The following CTBP2 variants were observed in gnomAD, a reference collection of about 807,000 sequenced individuals.
CTBP2 encodes the protein C-terminal binding protein 2.
CTBP2 carries 30 observed loss-of-function variants against 80.3 expected under a neutral mutation model. That is an observed-to-expected ratio of 0.37 (90% CI 0.28 to 0.51). The LOEUF is 0.51. Ranked by LOEUF, CTBP2 falls within the 20% of genes least tolerant of loss-of-function variation. The pLI, the probability that CTBP2 is intolerant of heterozygous loss-of-function variation, is 0.93. For missense variants in CTBP2, 1,212 were observed against 1,375.3 expected, an observed-to-expected ratio of 0.88 and a Z score of 1.88; for synonymous variants, 594 against 587.4, an observed-to-expected ratio of 1.01 and a Z score of -0.16.
intron 1 of CTBP2, among the ~76,000 whole-genome samples, chr10:125,121,057 A>G (rs1446030455): frequency 6.6e-6 from 1 of 152,238 alleles, no homozygotes; most frequent in Non-Finnish European, 1.5e-5. Flanking sequence ...GGGCAGATCC[A>G]TGAGAGCAGA....
intron 2 of CTBP2, among the ~76,000 whole-genome samples, chr10:125,096,886 A>C (rs1049782136): frequency 1.3e-5 from 2 of 152,206 alleles, no homozygotes; most frequent in African/African-American, 4.8e-5. Context: ...ACTGTGCAAC[A>C]TGAATTATTG....
chr10:125,139,035 C>A (rs1857382296), intron 1 of CTBP2, among the ~76,000 whole-genome samples: 1 of 152,160 alleles, frequency 6.6e-6, no homozygotes, highest in Non-Finnish European at 1.5e-5. Context: ...CCAAATACAT[C>A]TCCATCTTCC....
rs544584795 is a variant in CTBP2 at position 125,004,308 on chromosome 10, C to T, written c.1679-816G>A. Among the ~76,000 whole-genome samples the T allele has an allele frequency of 3.9e-5, 6 of 152,338 alleles. No individual in the cohort carries two copies. In the East Asian group the frequency reaches 1.2e-3, roughly 29 times the overall value. On this transcript the variant is annotated intron_variant, in intron 1 of 8. Coordinates refer to ENST00000309035, the MANE Select transcript of CTBP2 (RefSeq NM_022802.3). ...CACACTACAGACGCGCATGCTTGCG[C>T]CCCGTGCACATACAGGGCAGACACC... is the stretch of plus-strand genomic sequence containing the variant.
At chr10:125,123,220 G>A (rs1043647723) in intron 1 of CTBP2, among the ~76,000 whole-genome samples, 2 of 143,026 alleles carry the variant, frequency 1.4e-5, no homozygotes, top group Non-Finnish European at 3.1e-5. Flanking sequence ...CTATAAAAGG[G>A]CAACGGGGGG....
At chr10:125,102,902 G>C (rs1850853582) in intron 2 of CTBP2, among the ~76,000 whole-genome samples, 1 of 152,192 alleles carries the variant, frequency 6.6e-6, no homozygotes, top group East Asian at 1.9e-4. Context: ...CTTGGATGTA[G>C]TCAGGTTGGC....
At chr10:125,017,929 C>A (rs1275536789) in intron 1 of CTBP2, among the ~76,000 whole-genome samples, 8 of 152,210 alleles carry the variant, frequency 5.3e-5, no homozygotes, top group South Asian at 2.1e-4. Context: ...CCTCAGAGCC[C>A]ATCATGATGA....
intron 2 of CTBP2, among the ~76,000 whole-genome samples, chr10:125,052,909 G>T (rs1963106231): frequency 6.6e-6 from 1 of 152,172 alleles, no homozygotes; most frequent in Non-Finnish European, 1.5e-5. Context: ...CCAAGTTCAT[G>T]GGAAATTTTG....
At chr10:125,046,888 G>A (rs1034578692) in intron 2 of CTBP2, among the ~76,000 whole-genome samples, 3 of 152,166 alleles carry the variant, frequency 2.0e-5, no homozygotes, top group Non-Finnish European at 4.4e-5. Context: ...ACATTTCCTC[G>A]TGTTAAATGC....
Position 124,992,731 on chromosome 10 carries a change from T to G in CTBP2, c.2741A>C (p.Gln914Pro), listed in dbSNP as rs1952857641. The G allele has an allele frequency of 6.2e-6, 10 of 1,608,720 alleles. No individual in the cohort carries two copies. The highest frequency in any genetic ancestry group is 7.6e-6 in the Non-Finnish European group (9 of 1,177,602). ...ACCATTGAGCTCAGGATGAATTGCT[T>G]GCTGGTCTATTACTGACCAAGGCGC... Residue 914 changes from glutamine to proline, a missense_variant, in exon 8 of 9, where the codon CAA (glutamine) becomes CCA (proline). Gln to Pro is a moderately conservative substitution (Grantham distance 76). Coordinates refer to ENST00000309035, the MANE Select transcript of CTBP2 (RefSeq NM_022802.3).
intron 1 of CTBP2, among the ~76,000 whole-genome samples, chr10:125,125,866 C>G (rs952387729): frequency 1.2e-4 from 18 of 152,250 alleles, no homozygotes; most frequent in Admixed American, 1.0e-3. Flanking sequence ...TGGTATTTCA[C>G]TCAAATCAGA....
At chr10:125,097,790 A>C (rs1849769056) in intron 2 of CTBP2, among the ~76,000 whole-genome samples, 1 of 151,992 alleles carries the variant, frequency 6.6e-6, no homozygotes, top group East Asian at 1.9e-4. Context: ...CTTTTTGCCA[A>C]AGGGTTGAGG....
At chr10:125,038,972 T>TA in intron 3 of CTBP2, 25 bp downstream of exon 3, 12 of 1,610,988 alleles carry the variant, frequency 7.4e-6, no homozygotes, top group Non-Finnish European at 1.0e-5. Context: ...GTATGTTTGG[T>TA]AAAAACCGCC....
chr10:125,095,966 C>T (rs1849483836), intron 2 of CTBP2, among the ~76,000 whole-genome samples: 1 of 152,132 alleles, frequency 6.6e-6, no homozygotes, highest in African/African-American at 2.4e-5. Flanking sequence ...ACCCCCTCGG[C>T]CCTAACGCAG....
chr10:125,076,044 G>A lies in CTBP2; in HGVS notation c.-102+34946C>T, dbSNP rs532179165. 3.9e-5 allele frequency among the ~76,000 whole-genome samples: 6 copies of A among 152,322 alleles called. No homozygotes were observed. In the South Asian group the frequency reaches 1.2e-3, roughly 32 times the overall value. On this transcript the variant is annotated intron_variant, in intron 2 of 10. Coordinates refer to the CTBP2 transcript ENST00000337195. ...CCAAATGACCACGCACAGAATGGGTGTATAATCTGTGCTATCATCACACAA... is the reference window on the plus strand; with the variant it reads ...CCAAATGACCACGCACAGAATGGGTATATAATCTGTGCTATCATCACACAA...
At chr10:125,067,923 G>A (rs1411050306) in intron 2 of CTBP2, among the ~76,000 whole-genome samples, 2 of 152,134 alleles carry the variant, frequency 1.3e-5, no homozygotes, top group African/African-American at 4.8e-5. Flanking sequence ...GGGCGGGTCC[G>A]ATGTATACCC....
intron 2 of CTBP2, among the ~76,000 whole-genome samples, chr10:125,087,980 C>T (rs1848242621): frequency 6.6e-6 from 1 of 152,168 alleles, no homozygotes; most frequent in Non-Finnish European, 1.5e-5. Context: ...GCCTGAGTTA[C>T]TTTCCTGCAC....
chr10:125,069,027 T>C (rs965521060), intron 2 of CTBP2, among the ~76,000 whole-genome samples: 1 of 152,104 alleles, frequency 6.6e-6, no homozygotes, highest in Non-Finnish European at 1.5e-5. Context: ...AAGGGAACGA[T>C]GCACTCACAG....
chr10:125,076,082 C>G (rs1444841466), intron 2 of CTBP2, among the ~76,000 whole-genome samples: 1 of 152,228 alleles, frequency 6.6e-6, no homozygotes, highest in Non-Finnish European at 1.5e-5. Flanking sequence ...GAACCGTACA[C>G]AGAAATGAAC....
chr10:125,015,193 G>A (rs1024007069), intron 1 of CTBP2, among the ~76,000 whole-genome samples: 1 of 152,156 alleles, frequency 6.6e-6, no homozygotes, highest in Non-Finnish European at 1.5e-5. Flanking sequence ...CTCAGGCAGC[G>A]GATTCACGCT....
Sources: allele counts gnomAD v4.1 joint callset (sites outside exome capture counted in the v4.1 genomes callset), GRCh38; gene constraint gnomAD v4.1.1; transcripts MANE v1.5; gene names NCBI Gene and HGNC (gene_info 2026-07-23, HGNC 2026-07-21).